Variants in ATP8A1 observed in about 807,000 individuals in gnomAD.
ATP8A1 encodes the protein ATPase phospholipid transporting 8A1.
In ATP8A1, 90 loss-of-function variants were observed where a neutral mutation model predicts 177.7. The observed-to-expected ratio is 0.51, with a 90% CI of 0.43 to 0.60. The LOEUF is 0.60. Among genes scored for constraint, ATP8A1 ranks in the 20% least tolerant of loss-of-function variants. The probability of loss-of-function intolerance (pLI) is 0.00; values close to 1 mark genes in which losing one functional copy is unlikely to be tolerated. For synonymous variants in ATP8A1, 493 were observed against 485.9 expected (o/e 1.01, Z -0.19); for missense variants, 1,072 against 1,392.8 (o/e 0.77, Z 3.67).
In ATP8A1 at chr4:42,444,647, G is replaced by T; in HGVS notation, c.2959-13C>A. On this transcript the variant is annotated splice_polypyrimidine_tract_variant and intron_variant, in intron 31 of 36. Transcript: ENST00000381668. ...TTATCACCACAAACTAAAACAGAAG[G>T]GGAAAATGTTATTTTACCTCATAAA... The T allele has an allele frequency of 6.2e-7, 1 of 1,612,610 alleles. No individual in the cohort carries two copies. The highest frequency in any genetic ancestry group is 1.1e-5 in the South Asian group (1 of 90,914).
At chr4:42,590,107 CA>C (rs1734012399) in intron 7 of ATP8A1, among the ~76,000 whole-genome samples, 1 of 152,108 alleles carries the variant, frequency 6.6e-6, no homozygotes, top group Admixed American at 6.5e-5. Flanking sequence ...ATCTAAAACA[CA>C]AACTAGTCAA....
intron 15 of ATP8A1, 43 bp from the exon 16 acceptor site, chr4:42,556,083 C>G: frequency 7.3e-7 from 1 of 1,363,434 alleles, no homozygotes; most frequent in Non-Finnish European, 1.0e-6. Context: ...TCATTTATAC[C>G]AGCCCACTGA....
intron 1 of ATP8A1, among the ~76,000 whole-genome samples, chr4:42,650,107 C>T (rs982783287): frequency 2.0e-5 from 3 of 152,180 alleles, no homozygotes; most frequent in African/African-American, 7.2e-5. Flanking sequence ...TGTCCTCTGA[C>T]CTTTGCAAAC....
intron 24 of ATP8A1, among the ~76,000 whole-genome samples, chr4:42,502,054 T>C (rs1449628976): frequency 1.3e-5 from 2 of 152,106 alleles, no homozygotes; most frequent in Non-Finnish European, 2.9e-5. Context: ...ACTTTTTTTT[T>C]TTCAAAAAAG....
chr4:42,440,251 C>T (rs950662828), intron 33 of ATP8A1, among the ~76,000 whole-genome samples: 5 of 152,192 alleles, frequency 3.3e-5, no homozygotes, highest in African/African-American at 1.2e-4. Flanking sequence ...GGAATAGCCT[C>T]CTAAGCGGCT....
In ATP8A1 at chr4:42,460,756, C is replaced by T. The variant is rs557617426; in HGVS notation, c.2619+3934G>A. Among the ~76,000 whole-genome samples the T allele has an allele frequency of 7.9e-5, 12 of 152,274 alleles. No individual in the cohort carries two copies. In the South Asian group the frequency reaches 2.1e-3, roughly 26 times the overall value. On this transcript the variant is annotated intron_variant, in intron 27 of 36. Coordinates refer to ENST00000381668, the MANE Select transcript of ATP8A1 (RefSeq NM_006095.2). ...TAAATGGTAAAGTGGCAGAAACAAA[C>T]ATCTATCTGTAAGGGAACCCTCAGC...
intron 25 of ATP8A1, 59 bp from the exon 26 acceptor site, chr4:42,465,135 A>G (rs1560354468): frequency 1.4e-6 from 2 of 1,453,334 alleles, no homozygotes; most frequent in Non-Finnish European, 1.9e-6. Context: ...TTGAAATGCC[A>G]TCGTGTTGAA....
At chr4:42,591,027 A>T (rs1734122180) in intron 6 of ATP8A1, 143 bp from the exon 7 acceptor site, 5 of 700,540 alleles carry the variant, frequency 7.1e-6, no homozygotes, top group Non-Finnish European at 9.4e-6. Context: ...TCTAATGCCA[A>T]TTTTTTTCAA....
intron 15 of ATP8A1, among the ~76,000 whole-genome samples, chr4:42,560,754 G>A (rs1423253384): frequency 6.6e-6 from 1 of 152,010 alleles, no homozygotes; most frequent in Non-Finnish European, 1.5e-5. Flanking sequence ...TCTTTATTTA[G>A]GAGCTGGTAG....
intron 22 of ATP8A1, among the ~76,000 whole-genome samples, chr4:42,513,596 C>T (rs1188359631): frequency 6.6e-6 from 1 of 151,966 alleles, no homozygotes; most frequent in East Asian, 1.9e-4. Context: ...TGAAAAGACA[C>T]ATAATGTTTG....
chr4:42,579,838 TC>T lies in ATP8A1; in HGVS notation c.974del (p.Gly325GlufsTer8). 6.2e-7 allele frequency: 1 copy of T among 1,613,716 alleles called. No individual in the cohort carries two copies. The highest frequency in any genetic ancestry group is 8.5e-7 in the Non-Finnish European group (1 of 1,179,836). ...AGTTTAGATTGAGATACCAGTCTTT[TC>T]CAGAATGCCTTCGATTCCAAATGGC... ...GSAIWNRRHSGKDWYLNLNYG... is the reference protein window; with the variant it reads ...GSAIWNRRHSXKDWYLNLNYG... On this transcript the variant is annotated frameshift_variant, in exon 11 of 37. Coordinates refer to ENST00000381668, the MANE Select transcript of ATP8A1 (RefSeq NM_006095.2). LOFTEE classifies it high-confidence loss of function.
chr4:42,553,085 A>T (rs1729676309), intron 16 of ATP8A1, among the ~76,000 whole-genome samples: 1 of 152,254 alleles, frequency 6.6e-6, no homozygotes, highest in South Asian at 2.1e-4. Context: ...AGAAGCCAAC[A>T]TCAATTATAA....
chr4:42,474,209 A>T (rs1463746771), intron 25 of ATP8A1, among the ~76,000 whole-genome samples: 1 of 152,180 alleles, frequency 6.6e-6, no homozygotes, highest in Non-Finnish European at 1.5e-5. Flanking sequence ...CTTTGGGGCG[A>T]CAGGAAGTGG....
chr4:42,457,811 A>T (rs565235388), intron 27 of ATP8A1, among the ~76,000 whole-genome samples: 1 of 152,320 alleles, frequency 6.6e-6, no homozygotes, highest in Non-Finnish European at 1.5e-5. Flanking sequence ...TTGCAAGTAA[A>T]CTAACATGTT....
At chr4:42,526,009 C>T (rs1726635071) in intron 20 of ATP8A1, among the ~76,000 whole-genome samples, 1 of 152,064 alleles carries the variant, frequency 6.6e-6, no homozygotes. Context: ...TTTGTAAATT[C>T]TTCTTTTAAG....
intron 16 of ATP8A1, among the ~76,000 whole-genome samples, chr4:42,553,958 G>C (rs967815428): frequency 5.2e-4 from 79 of 152,022 alleles, no homozygotes; most frequent in African/African-American, 1.6e-3. Context: ...TCGTAAAGAA[G>C]GAAAAAAACG....
chr4:42,507,431 A>C (rs528951496), intron 22 of ATP8A1, among the ~76,000 whole-genome samples: 1 of 152,278 alleles, frequency 6.6e-6, no homozygotes, highest in East Asian at 1.9e-4. Context: ...TAAAATCCAA[A>C]GTCAGTTAAA....
chr4:42,576,572 T>A (rs1732487716), intron 12 of ATP8A1, among the ~76,000 whole-genome samples: 1 of 150,238 alleles, frequency 6.7e-6, no homozygotes, highest in South Asian at 2.2e-4. Context: ...GACTATATTA[T>A]CCTATGAAAT....
At position 42,443,654 on chromosome 4, in the gene ATP8A1, A is replaced by G. The variant is rs1716882284; in HGVS notation, c.3034T>C (p.Trp1012Arg). 1 of 1,530,704 alleles carries G rather than the reference A, an allele frequency of 6.5e-7. No homozygotes were observed. The allele number at this position is 1,530,704 out of a possible 1,614,324, so 94.8% of individuals were successfully genotyped here. A position where few individuals can be genotyped will look rare whatever the true frequency, so the allele number is the denominator to read the frequency against. ...ACCACCCAGAGTGCGATGCTCCCCC[A>G]TATCGCTATGTGGCTGAACTGTAGA... Reference protein sequence around the residue: ...YWTWFSHIAIWGSIALWVVFF... With the variant: ...YWTWFSHIAIRGSIALWVVFF... Residue 1012 changes from tryptophan to arginine, a missense_variant, in exon 33 of 37, where the codon TGG (tryptophan) becomes CGG (arginine). Physicochemically the swap from Trp to Arg is moderately radical, Grantham distance 101. Coordinates refer to ENST00000381668, the MANE Select transcript of ATP8A1 (RefSeq NM_006095.2).
Sources: gnomAD v4.1 joint callset for allele counts (sites outside exome capture counted in the v4.1 genomes callset) on GRCh38, gnomAD v4.1.1 for gene constraint, MANE v1.5 for transcripts, NCBI Gene and HGNC (gene_info 2026-07-23, HGNC 2026-07-21) for gene names.